The following RANBP3L variants were observed in gnomAD, a reference collection of about 807,000 sequenced individuals.
RANBP3L encodes the protein ran-binding protein 3-like.
In RANBP3L, 56 loss-of-function variants were observed where a neutral mutation model predicts 67.2. That is an observed-to-expected ratio of 0.83 (90% CI 0.67 to 1.04). The LOEUF (loss-of-function observed/expected upper bound fraction) is 1.04, where lower values mean the gene tolerates loss of function less well. Ranked by LOEUF, RANBP3L falls within the 50% of genes least tolerant of loss-of-function variation. The pLI, the probability that RANBP3L is intolerant of heterozygous loss-of-function variation, is 0.00. For synonymous variants in RANBP3L, 164 were observed against 181.4 expected, an observed-to-expected ratio of 0.90 and a Z score of 0.77; for missense variants, 496 against 535.5, an observed-to-expected ratio of 0.93 and a Z score of 0.73.
chr5:36,260,617 T>C (rs1257120589), intron 8 of RANBP3L, among the ~76,000 whole-genome samples, 163 bp downstream of exon 8: 1 of 152,198 alleles, frequency 6.6e-6, no homozygotes, highest in Non-Finnish European at 1.5e-5. Flanking sequence ...AACTAGGACA[T>C]GCTTCCCAGG....
intron 1 of RANBP3L, among the ~76,000 whole-genome samples, chr5:36,277,440 A>ATATG (rs1359327549): frequency 8.7e-6 from 1 of 114,986 alleles, no homozygotes; most frequent in East Asian, 2.3e-4. Flanking sequence ...ATATATATAT[A>ATATG]TGTGTGTGTG....
chr5:36,256,937 A>T lies in RANBP3L; in HGVS notation c.903+4T>A. 6.2e-7 allele frequency: 1 copy of T among 1,611,340 alleles called. No individual in the cohort carries two copies. The highest frequency in any genetic ancestry group is 1.1e-5 in the South Asian group (1 of 90,604). On this transcript the variant is annotated splice_donor_region_variant and intron_variant, in intron 10 of 13. Coordinates refer to ENST00000296604, the MANE Select transcript of RANBP3L (RefSeq NM_145000.5). Reference sequence around the variant, plus strand: ...CCAGAAAGAGTAAAACATGATATACAGACCTTTAACACATTATGTTCTGTT... The same window carrying T: ...CCAGAAAGAGTAAAACATGATATACTGACCTTTAACACATTATGTTCTGTT...
At chr5:36,296,650 A>G (rs538260910) in intron 1 of RANBP3L, among the ~76,000 whole-genome samples, 1 of 152,308 alleles carries the variant, frequency 6.6e-6, no homozygotes, top group Admixed American at 6.5e-5. Flanking sequence ...AAATAAGGAT[A>G]ACAATACCTG....
chr5:36,265,355 T>C (rs553191952), intron 5 of RANBP3L, 94 bp downstream of exon 5: 10 of 824,616 alleles, frequency 1.2e-5, no homozygotes, highest in Admixed American at 9.9e-5. Flanking sequence ...CTGACCTACC[T>C]CCATGCCCCC....
At chr5:36,272,689 G>A (rs998800522) in intron 1 of RANBP3L, among the ~76,000 whole-genome samples, 3 of 152,104 alleles carry the variant, frequency 2.0e-5, no homozygotes, top group Admixed American at 2.0e-4. Context: ...CGAGGCTCGA[G>A]TGTAATGGCC....
At chr5:36,250,499 C>G (rs1441414742) in intron 13 of RANBP3L, among the ~76,000 whole-genome samples, 1 of 151,954 alleles carries the variant, frequency 6.6e-6, no homozygotes, top group Non-Finnish European at 1.5e-5. Context: ...ATGATTAAAG[C>G]AGCTTTAATA....
chr5:36,251,761 T>G (rs952316003), intron 12 of RANBP3L, among the ~76,000 whole-genome samples: 3 of 152,178 alleles, frequency 2.0e-5, no homozygotes, highest in African/African-American at 7.2e-5. Context: ...AAATTTCTAT[T>G]TGAATTTTTG....
chr5:36,294,526 C>G (rs1668900213), intron 1 of RANBP3L, among the ~76,000 whole-genome samples: 1 of 151,880 alleles, frequency 6.6e-6, no homozygotes, highest in African/African-American at 2.4e-5. Flanking sequence ...CCTGCTTTCT[C>G]TTGTGGGCAT....
chr5:36,271,299 ATGACAGATTTTTCTG>A lies in RANBP3L; in HGVS notation c.92-3_103del. On this transcript the variant is annotated splice_acceptor_variant and splice_polypyrimidine_tract_variant and coding_sequence_variant and intron_variant, in exon 2 of 14. Coordinates refer to ENST00000296604, the MANE Select transcript of RANBP3L (RefSeq NM_145000.5). LOFTEE classifies it high-confidence loss of function. ...TTCAAAAACAAATATGGGTTGAGCAATGACAGATTTTTCTGTGAAAAAAAAGAAAACAGGCAAGAA... is the reference window on the plus strand; with the variant it reads ...TTCAAAAACAAATATGGGTTGAGCAATGAAAAAAAAGAAAACAGGCAAGAA... 1 of 1,584,680 alleles carries A rather than the reference ATGACAGATTTTTCTG, an allele frequency of 6.3e-7. No homozygotes were observed. Among genetic ancestry groups the A allele is most frequent in the South Asian group, 1.1e-5 (1 of 89,706 alleles).
intron 1 of RANBP3L, among the ~76,000 whole-genome samples, chr5:36,286,574 C>T (rs1751338346): frequency 2.6e-5 from 4 of 152,284 alleles, no homozygotes; most frequent in Admixed American, 1.3e-4. Context: ...TCCCTCCATT[C>T]CCCTCAGAAT....
At chr5:36,296,562 T>G (rs1294364644) in intron 1 of RANBP3L, among the ~76,000 whole-genome samples, 1 of 152,178 alleles carries the variant, frequency 6.6e-6, no homozygotes, top group Admixed American at 6.5e-5. Context: ...GAAAGTACAT[T>G]GAAAGCAGCT....
chr5:36,265,566 A>G, intron 4 of RANBP3L, 46 bp from the exon 5 acceptor site: 1 of 1,138,492 alleles, frequency 8.8e-7, no homozygotes, highest in Non-Finnish European at 1.3e-6. Flanking sequence ...GAAGAGTGTC[A>G]GATTCTACAC....
chr5:36,287,421 CA>C (rs1751402842), intron 1 of RANBP3L, among the ~76,000 whole-genome samples: 1 of 152,128 alleles, frequency 6.6e-6, no homozygotes, highest in African/African-American at 2.4e-5. Context: ...TGATAAATGG[CA>C]GCCACTAAGT....
intron 1 of RANBP3L, among the ~76,000 whole-genome samples, chr5:36,289,623 C>A (rs1057282169): frequency 1.3e-5 from 2 of 152,104 alleles, no homozygotes; most frequent in Admixed American, 1.3e-4. Context: ...TTAAATTAAT[C>A]CGTATTTCCT....
chr5:36,272,646 T>G (rs1750301551), intron 1 of RANBP3L, among the ~76,000 whole-genome samples: 1 of 152,140 alleles, frequency 6.6e-6, no homozygotes, highest in Non-Finnish European at 1.5e-5. Context: ...TTTGTTTTTG[T>G]TTTTTTGTGA....
rs1424607156 is a variant in RANBP3L at position 36,259,514 on chromosome 5, C to T, written c.669+1266G>A. Reference sequence around the variant, plus strand: ...GGGAGGATCCCTTGAGCCAGGGAGACAGAGGTTGCAGTGAGCCGAGATCGT... The same window carrying T: ...GGGAGGATCCCTTGAGCCAGGGAGATAGAGGTTGCAGTGAGCCGAGATCGT... On this transcript the variant is annotated intron_variant, in intron 8 of 13. Coordinates refer to ENST00000296604, the MANE Select transcript of RANBP3L (RefSeq NM_145000.5). Among the ~76,000 whole-genome samples the T allele has an allele frequency of 4.7e-5, 7 of 147,706 alleles. No homozygotes were observed. In the Admixed American group the frequency reaches 4.8e-4, roughly 10 times the overall value.
intron 8 of RANBP3L, among the ~76,000 whole-genome samples, chr5:36,258,769 T>C (rs533266062): frequency 6.6e-6 from 1 of 152,358 alleles, no homozygotes; most frequent in East Asian, 1.9e-4. Context: ...TATTAGATTA[T>C]AAGCACCTTT....
chr5:36,277,957 A>C (rs937592672), intron 1 of RANBP3L, among the ~76,000 whole-genome samples: 3 of 152,158 alleles, frequency 2.0e-5, no homozygotes, highest in African/African-American at 7.2e-5. Context: ...GTTTCCCTTT[A>C]TAAAACCACC....
intron 1 of RANBP3L, among the ~76,000 whole-genome samples, chr5:36,278,512 G>A (rs1750756462): frequency 6.6e-6 from 1 of 152,098 alleles, no homozygotes; most frequent in African/African-American, 2.4e-5. Context: ...TCTGTCAACT[G>A]AGATCAAATT....
Sources: allele counts gnomAD v4.1 joint callset (sites outside exome capture counted in the v4.1 genomes callset), GRCh38; gene constraint gnomAD v4.1.1; transcripts MANE v1.5; gene names NCBI Gene and HGNC (gene_info 2026-07-23, HGNC 2026-07-21).